ANKRD27: variants seen among roughly 807,000 people sequenced by gnomAD.
The protein encoded by ANKRD27 is ankyrin repeat domain-containing protein 27.
ANKRD27 carries 112 observed loss-of-function variants against 129.7 expected under a neutral mutation model. The observed-to-expected ratio is 0.86, with a 90% CI of 0.74 to 1.01. The LOEUF (loss-of-function observed/expected upper bound fraction) is 1.01, where lower values mean the gene tolerates loss of function less well. Ranked by LOEUF, ANKRD27 falls within the 50% of genes least tolerant of loss-of-function variation. The pLI is 0.00. For synonymous variants in ANKRD27, 516 were observed against 511.2 expected, an observed-to-expected ratio of 1.01 and a Z score of -0.13; for missense variants, 1,258 against 1,300.5, an observed-to-expected ratio of 0.97 and a Z score of 0.50.
Position 32,643,444 on chromosome 19 carries a change from T to C in ANKRD27, c.626A>G (p.Lys209Arg), listed in dbSNP as rs746211616. ...CCCCACCCTCACCTCCACTGCCTGC[T>C]TCATCAGGTTCATCTGGGCCTCCTG... is the stretch of plus-strand genomic sequence containing the variant. The part of the protein sequence containing the change: ...AKQEAQMNLM[K>R]QAVEIYVHHE... The change falls in exon 7 of 29, where the codon AAG becomes AGG. Residue 209 changes from lysine (K) to arginine (R), a missense_variant. Lys to Arg is a conservative substitution (Grantham distance 26). Coordinates refer to ENST00000306065, the MANE Select transcript of ANKRD27 (RefSeq NM_032139.3). 37 of 1,613,710 alleles carry C rather than the reference T, an allele frequency of 2.3e-5. No homozygotes were observed. The Admixed American group carries it at 6.0e-4, about 26-fold the overall frequency.
At position 32,605,902 on chromosome 19, in the gene ANKRD27, C is replaced by A. The variant is rs1475670601; in HGVS notation, c.2426G>T (p.Ser809Ile). Residue 809 changes from serine (S) to isoleucine (I), a missense_variant, in exon 24 of 29, where the codon AGT becomes ATT. Coordinates refer to ENST00000306065, the MANE Select transcript of ANKRD27 (RefSeq NM_032139.3). ...GGCGTAAATGAGGGGCGTGTTTCCA[C>A]TGAGGTCCTTCTTATTGGGTTTTGC... ...SNAKPNKKDLSGNTPLIYACS... is the reference protein window; with the variant it reads ...SNAKPNKKDLIGNTPLIYACS... The A allele has an allele frequency of 6.2e-7, 1 of 1,614,124 alleles. No homozygotes were observed. The highest frequency in any genetic ancestry group is 1.7e-5 in the Admixed American group (1 of 60,008).
intron 20 of ANKRD27, among the ~76,000 whole-genome samples, chr19:32,617,867 G>C (rs981511314): frequency 6.6e-6 from 1 of 151,414 alleles, no homozygotes; most frequent in African/African-American, 2.4e-5. Context: ...CGATTCTCCT[G>C]CCTCAGCCTC....
rs1250961337 is a variant in ANKRD27 at position 32,597,776 on chromosome 19, C to T, written c.*369G>A. On this transcript the variant is annotated 3_prime_UTR_variant, in exon 29 of 29. Transcript: ENST00000306065. ...TCTAGCTGTGGTTTGTGAATGTACA[C>T]AGGTCAGAGAGGTTTAGCACCTTTT... 3 of 261,990 alleles carry T rather than the reference C, an allele frequency of 1.1e-5. No individual in the cohort carries two copies. Among genetic ancestry groups the T allele is most frequent in the African/African-American group, 6.5e-5 (3 of 46,076 alleles). 16.2% of individuals were successfully genotyped at this position (261,990 alleles called of 1,614,324 possible). A position where few individuals can be genotyped will look rare whatever the true frequency, so the allele number is the denominator to read the frequency against.
At chr19:32,623,978 T>C (rs1297944422) in intron 17 of ANKRD27, among the ~76,000 whole-genome samples, 1 of 152,210 alleles carries the variant, frequency 6.6e-6, no homozygotes, top group Non-Finnish European at 1.5e-5. Context: ...GACTATATGC[T>C]GAGTTCTGTA....
intron 5 of ANKRD27, 87 bp from the exon 6 acceptor site, chr19:32,643,718 C>T (rs972844366): frequency 4.5e-6 from 6 of 1,338,830 alleles, no homozygotes; most frequent in South Asian, 1.2e-5. Context: ...CACAGAGCTT[C>T]AAGTGCTAAC....
chr19:32,623,657 T>G (rs1972047814), intron 17 of ANKRD27, among the ~76,000 whole-genome samples: 1 of 151,600 alleles, frequency 6.6e-6, no homozygotes, highest in South Asian at 2.1e-4. Flanking sequence ...CAAGTGATTC[T>G]CCCACCTCAA....
rs1312935528 is a variant in ANKRD27 at position 32,597,866 on chromosome 19, TAAAAAG to T, written c.*273_*278del. On this transcript the variant is annotated 3_prime_UTR_variant, in exon 29 of 29. Transcript: ENST00000306065. ...ACTGTGACCAACAAACCCTCATACTTAAAAAGAAGCATGCACCTCTGGCTTAAGGAT... is the reference window on the plus strand; with the variant it reads ...ACTGTGACCAACAAACCCTCATACTTAAGCATGCACCTCTGGCTTAAGGAT... 2.1e-5 allele frequency: 10 copies of T among 478,178 alleles called. No individual in the cohort carries two copies. The highest frequency in any genetic ancestry group is 3.4e-5 in the Non-Finnish European group (9 of 262,292). 29.6% of individuals were successfully genotyped at this position (478,178 alleles called of 1,614,324 possible). A position where few individuals can be genotyped will look rare whatever the true frequency, so the allele number is the denominator to read the frequency against.
At chr19:32,617,489 G>A in intron 21 of ANKRD27, 100 bp downstream of exon 21, 1 of 587,566 alleles carries the variant, frequency 1.7e-6, no homozygotes, top group East Asian at 2.9e-5. Context: ...CAAGGCTGCA[G>A]TGAGCCATGA....
rs537231396 is a variant in ANKRD27 at position 32,647,757 on chromosome 19, C to T, written c.214-1142G>A. On this transcript the variant is annotated intron_variant, in intron 3 of 28. Transcript: ENST00000306065. ...CTAGATCTACAAAAAGGACAGGAGT[C>T]GGGCTTTGCGCAGCTGGTCTGCCCC... Among the ~76,000 whole-genome samples the T allele has an allele frequency of 4.6e-5, 7 of 152,322 alleles. No homozygotes were observed. In the East Asian group the frequency reaches 1.2e-3, roughly 25 times the overall value.
chr19:32,656,103 G>A (rs1446670892), intron 2 of ANKRD27, among the ~76,000 whole-genome samples: 1 of 123,702 alleles, frequency 8.1e-6, no homozygotes, highest in Admixed American at 8.5e-5. Context: ...AAGAAAGAAA[G>A]AAAGAAAAGA....
At chr19:32,661,943 C>A (rs890221551) in intron 1 of ANKRD27, among the ~76,000 whole-genome samples, 2 of 152,104 alleles carry the variant, frequency 1.3e-5, no homozygotes, top group African/African-American at 4.8e-5. Flanking sequence ...GCTTTTTGAG[C>A]CTTAAGAAAT....
intron 4 of ANKRD27, among the ~76,000 whole-genome samples, chr19:32,645,014 C>T (rs1417416499): frequency 1.3e-5 from 2 of 152,212 alleles, no homozygotes; most frequent in Non-Finnish European, 2.9e-5. Flanking sequence ...ATCCACACCT[C>T]CTTAGCCCAG....
At chr19:32,642,226 A>G (rs767387764) in intron 9 of ANKRD27, 81 bp from the exon 10 acceptor site, 3 of 1,339,080 alleles carry the variant, frequency 2.2e-6, no homozygotes, top group Non-Finnish European at 3.0e-6. Flanking sequence ...ACATCTCAGG[A>G]TCTACACTTC....
At position 32,599,617 on chromosome 19, in the gene ANKRD27, G is replaced by C. The variant is rs1019047456; in HGVS notation, c.2919+87C>G. ...CGGCGCACGGAATAATGAAGATGAC[G>C]ATCAAGGAGACGTGTTTACCATGGA... On this transcript the variant is annotated intron_variant, in intron 28 of 28. Coordinates refer to ENST00000306065, the MANE Select transcript of ANKRD27 (RefSeq NM_032139.3). 1.3e-5 allele frequency: 16 copies of C among 1,200,058 alleles called. No homozygotes were observed. In the African/African-American group the frequency reaches 1.4e-4, roughly 10 times the overall value. 74.3% of individuals were successfully genotyped at this position (1,200,058 alleles called of 1,614,324 possible).
intron 22 of ANKRD27, among the ~76,000 whole-genome samples, chr19:32,608,675 G>C (rs1971787977): frequency 6.6e-6 from 1 of 152,116 alleles, no homozygotes; most frequent in Non-Finnish European, 1.5e-5. Context: ...CTCAAGGCTG[G>C]GCACAGTGGC....
chr19:32,615,682 G>A lies in ANKRD27; in HGVS notation c.2151C>T (p.Cys717=). ...DPEFCHPLCQ[C]PKCAPAQKRL... ...CCTTCTGAGCTGGGGCACACTTGGGGCACTGGCACAACGGGTGACAGAATT... is the reference window on the plus strand; with the variant it reads ...CCTTCTGAGCTGGGGCACACTTGGGACACTGGCACAACGGGTGACAGAATT... Residue 717 remains cysteine, a synonymous_variant, in exon 22 of 29, where the codon TGC becomes TGT. Coordinates refer to ENST00000306065, the MANE Select transcript of ANKRD27 (RefSeq NM_032139.3). The A allele has an allele frequency of 1.9e-6, 3 of 1,614,182 alleles. No homozygotes were observed. The highest frequency in any genetic ancestry group is 2.5e-6 in the Non-Finnish European group (3 of 1,180,026).
At chr19:32,645,238 C>A (rs958301473) in intron 4 of ANKRD27, among the ~76,000 whole-genome samples, 3 of 151,976 alleles carry the variant, frequency 2.0e-5, no homozygotes, top group African/African-American at 7.2e-5. Flanking sequence ...ATGGTGAAAC[C>A]CTGTCTCTAC....
At chr19:32,631,600 G>A (rs939012882) in intron 12 of ANKRD27, 106 bp from the exon 13 acceptor site, 51 of 873,122 alleles carry the variant, frequency 5.8e-5, no homozygotes, top group Non-Finnish European at 7.9e-5. Flanking sequence ...TATCGGCTGC[G>A]CCTCTCTCCC....
intron 22 of ANKRD27, among the ~76,000 whole-genome samples, chr19:32,608,116 G>A (rs941560782): frequency 3.8e-4 from 57 of 150,266 alleles, no homozygotes; most frequent in Admixed American, 2.5e-3. Flanking sequence ...TGATCCTCCC[G>A]CCTCAGCCTC....
Sources: gnomAD v4.1 joint callset for allele counts (sites outside exome capture counted in the v4.1 genomes callset) on GRCh38, gnomAD v4.1.1 for gene constraint, MANE v1.5 for transcripts, NCBI Gene and HGNC (gene_info 2026-07-23, HGNC 2026-07-21) for gene names.